The following FGF12 variants were observed in gnomAD, a reference collection of about 807,000 sequenced individuals.
FGF12 encodes fibroblast growth factor 12.
Under a neutral mutation model 23.6 loss-of-function variants are expected in FGF12, and 14 were observed. That is an observed-to-expected ratio of 0.59 (90% CI 0.39 to 0.93). The LOEUF is 0.93. Ranked by LOEUF, FGF12 falls within the 40% of genes least tolerant of loss-of-function variation. The pLI, the probability that FGF12 is intolerant of heterozygous loss-of-function variation, is 0.00. For synonymous variants in FGF12, 62 were observed against 77.3 expected, an observed-to-expected ratio of 0.80 and a Z score of 1.04; for missense variants, 175 against 217.8, an observed-to-expected ratio of 0.80 and a Z score of 1.24.
chr3:192,461,481 C>CCATTT (rs1722859412), intron 2 of FGF12, among the ~76,000 whole-genome samples: 1 of 152,152 alleles, frequency 6.6e-6, no homozygotes, highest in Non-Finnish European at 1.5e-5. Context: ...GGAATTCCAT[C>CCATTT]ATATTTATAA....
chr3:192,527,590 C>A (rs1724975873), intron 2 of FGF12, among the ~76,000 whole-genome samples: 1 of 152,128 alleles, frequency 6.6e-6, no homozygotes, highest in African/African-American at 2.4e-5. Context: ...CTTCTAGGAG[C>A]CAGCACTAGA....
At chr3:192,690,586 CAAA>C (rs35837229) in intron 2 of FGF12, among the ~76,000 whole-genome samples, 115 of 92,098 alleles carry the variant, frequency 1.2e-3, no homozygotes, top group African/African-American at 4.2e-3. Context: ...CACAACACTA[CAAA>C]AAAAAAAAAA....
chr3:192,261,516 C>A (rs1038434519), intron 4 of FGF12, among the ~76,000 whole-genome samples: 1 of 152,182 alleles, frequency 6.6e-6, no homozygotes, highest in Non-Finnish European at 1.5e-5. Context: ...CCTTGGACTC[C>A]ATTCTAATTA....
chr3:192,567,759 TTCTTTCTTTCTTTCTTTC>T (rs1177014081), intron 2 of FGF12, among the ~76,000 whole-genome samples: 1 of 129,524 alleles, frequency 7.7e-6, no homozygotes, highest in African/African-American at 2.8e-5. Flanking sequence ...CTTTCTTTCT[TTCTTTCTTTCTTTCTTTC>T]TTTCTTTCTT....
intron 4 of FGF12, among the ~76,000 whole-genome samples, chr3:192,183,690 A>C (rs182170752): frequency 3.4e-4 from 52 of 152,342 alleles, no homozygotes; most frequent in African/African-American, 1.1e-3. Context: ...CTCTGTCCTC[A>C]TCATAGAATC....
At chr3:192,604,534 C>T (rs1714258381) in intron 2 of FGF12, among the ~76,000 whole-genome samples, 1 of 152,120 alleles carries the variant, frequency 6.6e-6, no homozygotes, top group African/African-American at 2.4e-5. Flanking sequence ...GAACTACGAA[C>T]TACTGCTGAA....
intron 4 of FGF12, chr3:192,267,105 ATT>A (rs1713126085): frequency 6.6e-6 from 1 of 152,154 alleles, no homozygotes; most frequent in South Asian, 2.1e-4. Flanking sequence ...ATGACAACAG[ATT>A]TCCTGACAAT....
chr3:192,404,947 T>C (rs1323230461), intron 2 of FGF12, among the ~76,000 whole-genome samples: 1 of 152,194 alleles, frequency 6.6e-6, no homozygotes, highest in African/African-American at 2.4e-5. Flanking sequence ...ATAATACCAA[T>C]GGTTAAAACT....
chr3:192,145,108 G>A (rs1238496831), intron 5 of FGF12, among the ~76,000 whole-genome samples: 1 of 151,032 alleles, frequency 6.6e-6, no homozygotes, highest in Non-Finnish European at 1.5e-5. Context: ...ACCGATTTGC[G>A]AACCATGCTA....
chr3:192,671,776 A>AAC (rs3044660), intron 2 of FGF12, among the ~76,000 whole-genome samples: 7,207 of 149,414 alleles, frequency 0.048, 272 homozygotes, highest in East Asian at 0.15. Context: ...CTTCTTGACC[A>AAC]ACACACACAC....
intron 2 of FGF12, among the ~76,000 whole-genome samples, chr3:192,525,079 C>CT (rs1401641241): frequency 6.6e-6 from 1 of 152,076 alleles, no homozygotes; most frequent in East Asian, 1.9e-4. Context: ...CATCATAGTT[C>CT]TCTTTCTGCC....
intron 4 of FGF12, among the ~76,000 whole-genome samples, chr3:192,188,817 C>T (rs1577217307): frequency 6.6e-6 from 1 of 152,200 alleles, no homozygotes; most frequent in Non-Finnish European, 1.5e-5. Flanking sequence ...GTGCAATGTG[C>T]TTTGAAAAGA....
intron 4 of FGF12, among the ~76,000 whole-genome samples, chr3:192,323,634 C>T (rs79357760): frequency 0.036 from 5,548 of 152,152 alleles, 305 homozygotes; most frequent in African/African-American, 0.12. Context: ...TCAGATCAAA[C>T]GTTTGATAGC....
Position 192,620,888 on chromosome 3 carries a change from G to A in FGF12, c.13+106293C>T, listed in dbSNP as rs115368825. ...CTGGGCTCGAGCTCAGTAAGCTTAG[G>A]TTCTAGGTCTACGTATATACCAGTA... On this transcript the variant is annotated intron_variant, in intron 2 of 5. Coordinates refer to ENST00000445105, the MANE Select transcript of FGF12 (RefSeq NM_004113.6). 2.0e-3 allele frequency among the ~76,000 whole-genome samples: 306 copies of A among 152,144 alleles called. 2 individuals carry two copies. The highest frequency in any genetic ancestry group is 7.1e-3 in the African/African-American group (296 of 41,522).
chr3:192,283,761 TA>T lies in FGF12; in HGVS notation c.228+51599del, dbSNP rs1714289857. 2.0e-5 allele frequency among the ~76,000 whole-genome samples: 3 copies of T among 152,138 alleles called. No homozygotes were observed. The South Asian group carries it at 6.2e-4, about 32-fold the overall frequency. On this transcript the variant is annotated intron_variant, in intron 4 of 5. Transcript: ENST00000445105. The stretch of plus-strand genomic sequence containing the variant: ...AAAAATGAATAGGGCTATTTAGGTT[TA>T]AAAGGTGGTGGGAGAGTGGTCAGTC...
chr3:192,593,147 C>G (rs1328024029), intron 2 of FGF12, among the ~76,000 whole-genome samples: 1 of 151,772 alleles, frequency 6.6e-6, no homozygotes, highest in African/African-American at 2.4e-5. Context: ...TAATAAAATC[C>G]AAAGCTCTGA....
chr3:192,393,473 C>G (rs562170725), intron 2 of FGF12, among the ~76,000 whole-genome samples: 3 of 152,280 alleles, frequency 2.0e-5, no homozygotes, highest in South Asian at 4.1e-4. Flanking sequence ...AAGCCCTTCT[C>G]ATGGTTAAAA....
intron 2 of FGF12, among the ~76,000 whole-genome samples, chr3:192,697,552 A>T (rs1718164249): frequency 6.6e-6 from 1 of 152,178 alleles, no homozygotes; most frequent in Admixed American, 6.5e-5. Flanking sequence ...ACTTGCCTGA[A>T]GGAGCTGGTT....
intron 2 of FGF12, among the ~76,000 whole-genome samples, chr3:192,437,563 G>A (rs146243429): frequency 0.071 from 10,762 of 152,082 alleles, 512 homozygotes; most frequent in African/African-American, 0.14. Flanking sequence ...GTGGTGGTGG[G>A]TGCCTGTAAT....
Sources: gnomAD v4.1 joint callset for allele counts (sites outside exome capture counted in the v4.1 genomes callset) on GRCh38, gnomAD v4.1.1 for gene constraint, MANE v1.5 for transcripts, NCBI Gene and HGNC (gene_info 2026-07-23, HGNC 2026-07-21) for gene names.